IL1RAPL1: variants seen among roughly 807,000 people sequenced by gnomAD.
The protein encoded by IL1RAPL1 is interleukin 1 receptor accessory protein like 1, also known as interleukin-1 receptor accessory protein-like 1.
Under a neutral mutation model 48.4 loss-of-function variants are expected in IL1RAPL1, and 3 were observed. The ratio of observed to expected loss-of-function variants is 0.06; its 90% CI spans 0.03 to 0.16. The LOEUF (loss-of-function observed/expected upper bound fraction) is 0.16. Among genes scored for constraint, IL1RAPL1 ranks in the 10% least tolerant of loss-of-function variants. The pLI is 1.00. For synonymous variants in IL1RAPL1, 185 were observed against 187.7 expected, an observed-to-expected ratio of 0.99 and a Z score of 0.12; for missense variants, 349 against 530.6, an observed-to-expected ratio of 0.66 and a Z score of 3.36.
intron 2 of IL1RAPL1, among the ~76,000 whole-genome samples, chrX:29,031,582 A>G (rs1926619012): frequency 8.9e-6 from 1 of 112,080 alleles, no homozygotes; most frequent in Non-Finnish European, 1.9e-5. Flanking sequence ...AGTTCCTTTA[A>G]GTTTGCATCA....
intron 3 of IL1RAPL1, among the ~76,000 whole-genome samples, chrX:29,319,157 T>TCTGTCTGC (rs1932782798): frequency 9.9e-5 from 8 of 80,831 alleles, no homozygotes; most frequent in Admixed American, 4.8e-4. Context: ...TGTCTATCTG[T>TCTGTCTGC]CTGTCTATCT....
intron 1 of IL1RAPL1, among the ~76,000 whole-genome samples, chrX:28,730,521 T>C (rs1935741207): frequency 8.9e-6 from 1 of 111,855 alleles, no homozygotes; most frequent in Non-Finnish European, 1.9e-5. Context: ...TGAAAAAAGC[T>C]ACATCATAAG....
At chrX:29,165,832 A>C (rs1372191782) in intron 2 of IL1RAPL1, among the ~76,000 whole-genome samples, 1 of 111,971 alleles carries the variant, frequency 8.9e-6, no homozygotes, top group African/African-American at 3.2e-5. Flanking sequence ...ATATGATAAA[A>C]GCAAAAGAGC....
rs538131188 is a variant in IL1RAPL1, at chrX:28,841,083, A to T, written c.82+51658A>T. 4.5e-5 allele frequency among the ~76,000 whole-genome samples: 5 copies of T among 110,823 alleles called. No individual in the cohort carries two copies. The South Asian group carries it at 1.9e-3, about 41-fold the overall frequency. ...TAGTGTCAATGTTTGTCAAAATGTG[A>T]CTCTTTGAATATTCTAATATACTAA... On this transcript the variant is annotated intron_variant, in intron 2 of 10. Transcript: ENST00000378993.
chrX:29,775,706 C>T (rs1929179732), intron 6 of IL1RAPL1, among the ~76,000 whole-genome samples: 2 of 111,560 alleles, frequency 1.8e-5, no homozygotes, highest in Non-Finnish European at 3.8e-5. Flanking sequence ...AATGTTTGAG[C>T]TGACACCTGA....
chrX:29,129,845 C>T (rs1365243598), intron 2 of IL1RAPL1, among the ~76,000 whole-genome samples: 5 of 110,682 alleles, frequency 4.5e-5, no homozygotes, highest in South Asian at 3.8e-4. Flanking sequence ...CCGCCCGCCT[C>T]GGCCTCCCAA....
chrX:29,514,425 A>G (rs1569328324), intron 5 of IL1RAPL1, among the ~76,000 whole-genome samples: 1 of 112,613 alleles, frequency 8.9e-6, no homozygotes, highest in Non-Finnish European at 1.9e-5. Flanking sequence ...AAAAATAGAA[A>G]AGAATTTGGA....
intron 5 of IL1RAPL1, among the ~76,000 whole-genome samples, chrX:29,584,783 G>T (rs1286699283): frequency 9.0e-6 from 1 of 111,535 alleles, no homozygotes; most frequent in Non-Finnish European, 1.9e-5. Context: ...TTGGCTCCTG[G>T]ACTCAAGCTA....
intron 2 of IL1RAPL1, among the ~76,000 whole-genome samples, chrX:28,841,964 C>T (rs1447653403): frequency 9.0e-6 from 1 of 110,714 alleles, no homozygotes; most frequent in Non-Finnish European, 1.9e-5. Flanking sequence ...GAGTTCTAGA[C>T]ATGCCAGTGA....
At chrX:29,544,208 T>C (rs779003063) in intron 5 of IL1RAPL1, among the ~76,000 whole-genome samples, 36 of 112,043 alleles carry the variant, frequency 3.2e-4, no homozygotes, top group African/African-American at 1.1e-3. Flanking sequence ...CGTGGGAATT[T>C]GGTTTAAACC....
At chrX:29,865,636 CTTTTTTTT>C (rs1171882981) in intron 6 of IL1RAPL1, among the ~76,000 whole-genome samples, 1 of 76,343 alleles carries the variant, frequency 1.3e-5, no homozygotes, top group African/African-American at 5.4e-5. Flanking sequence ...CTTTTCTTTT[CTTTTTTTT>C]TTTTTTTTTT....
chrX:29,639,258 T>A (rs1483093794), intron 5 of IL1RAPL1, among the ~76,000 whole-genome samples: 1 of 112,160 alleles, frequency 8.9e-6, no homozygotes, highest in Non-Finnish European at 1.9e-5. Flanking sequence ...TCCAGTTTTC[T>A]CTGCTGTTTC....
At chrX:29,101,702 G>A (rs1230690692) in intron 2 of IL1RAPL1, among the ~76,000 whole-genome samples, 1 of 111,718 alleles carries the variant, frequency 9.0e-6, no homozygotes, top group Non-Finnish European at 1.9e-5. Context: ...TTGGGAGGCC[G>A]AGACGGGAGG....
intron 5 of IL1RAPL1, among the ~76,000 whole-genome samples, chrX:29,534,290 TAAG>T (rs1921141366): frequency 9.0e-6 from 1 of 111,719 alleles, no homozygotes; most frequent in African/African-American, 3.3e-5. Context: ...TCAAAAATCA[TAAG>T]AACAGTGACA....
chrX:28,742,697 G>A (rs777173278), intron 1 of IL1RAPL1, among the ~76,000 whole-genome samples: 1 of 111,821 alleles, frequency 8.9e-6, no homozygotes, highest in Non-Finnish European at 1.9e-5. Flanking sequence ...AATCATATAA[G>A]TATTCAACAG....
At chrX:28,783,113 C>T (rs1936440174) in intron 1 of IL1RAPL1, among the ~76,000 whole-genome samples, 2 of 111,362 alleles carry the variant, frequency 1.8e-5, no homozygotes, top group African/African-American at 6.5e-5. Context: ...CACCTGGTGC[C>T]ACCCAGTAGG....
intron 2 of IL1RAPL1, among the ~76,000 whole-genome samples, chrX:28,894,334 G>A (rs1922849622): frequency 8.9e-6 from 1 of 111,804 alleles, no homozygotes; most frequent in Non-Finnish European, 1.9e-5. Flanking sequence ...GCCTTTGCTG[G>A]TGAGTGGCGA....
chrX:29,937,300 C>G (rs1933049428), intron 8 of IL1RAPL1, among the ~76,000 whole-genome samples: 1 of 112,047 alleles, frequency 8.9e-6, no homozygotes, highest in African/African-American at 3.2e-5. Flanking sequence ...GCTGCCACTC[C>G]AGGCAACTTG....
chrX:29,707,621 C>G, intron 6 of IL1RAPL1, among the ~76,000 whole-genome samples: 1 of 111,928 alleles, frequency 8.9e-6, no homozygotes, highest in South Asian at 3.7e-4. Flanking sequence ...AGGAATGAAA[C>G]AGTGGCATTT....
Sources: gnomAD v4.1 joint callset for allele counts (sites outside exome capture counted in the v4.1 genomes callset) on GRCh38, gnomAD v4.1.1 for gene constraint, MANE v1.5 for transcripts, NCBI Gene and HGNC (gene_info 2026-07-23, HGNC 2026-07-21) for gene names.